MDGA2: variants seen among roughly 807,000 people sequenced by gnomAD.
MDGA2 encodes the protein MAM domain containing glycosylphosphatidylinositol anchor 2, also known as MAM domain-containing glycosylphosphatidylinositol anchor protein 2.
A neutral mutation model predicts 117.8 loss-of-function variants in MDGA2; 40 were observed. The observed-to-expected ratio is 0.34, with a 90% CI of 0.26 to 0.44. The LOEUF (loss-of-function observed/expected upper bound fraction) is 0.44, where lower values mean the gene tolerates loss of function less well. Among genes scored for constraint, MDGA2 ranks in the 20% least tolerant of loss-of-function variants. The pLI, the probability that MDGA2 is intolerant of heterozygous loss-of-function variation, is 1.00. For missense variants in MDGA2, 1,123 were observed against 1,250.6 expected, an observed-to-expected ratio of 0.90 and a Z score of 1.54; for synonymous variants, 452 against 439.0, an observed-to-expected ratio of 1.03 and a Z score of -0.37.
chr14:46,925,571 G>A (rs1884295683), intron 9 of MDGA2, among the ~76,000 whole-genome samples: 1 of 141,906 alleles, frequency 7.0e-6, no homozygotes, highest in South Asian at 2.3e-4. Context: ...GGCAGAGGTT[G>A]TAGTGAGCCG....
At chr14:47,279,407 A>C (rs1259535916) in intron 2 of MDGA2, among the ~76,000 whole-genome samples, 1 of 152,086 alleles carries the variant, frequency 6.6e-6, no homozygotes, top group Non-Finnish European at 1.5e-5. Context: ...TTTCTCTTGC[A>C]CTGTACTTTT....
At chr14:47,243,505 A>G (rs1478989653) in intron 2 of MDGA2, among the ~76,000 whole-genome samples, 1 of 151,378 alleles carries the variant, frequency 6.6e-6, no homozygotes, top group East Asian at 1.9e-4. Context: ...GAGCTGTAAC[A>G]CTCACAGCGA....
intron 6 of MDGA2, among the ~76,000 whole-genome samples, chr14:47,075,982 C>T (rs1382401165): frequency 1.3e-5 from 2 of 151,898 alleles, no homozygotes; most frequent in African/African-American, 4.8e-5. Context: ...AAACTATCAC[C>T]AATATAAAAA....
intron 2 of MDGA2, among the ~76,000 whole-genome samples, chr14:47,253,721 A>C (rs1326350966): frequency 1.3e-5 from 2 of 152,148 alleles, no homozygotes; most frequent in African/African-American, 4.8e-5. Flanking sequence ...CCCTCTTCTC[A>C]CAGCTCCACT....
At chr14:47,030,778 G>T in intron 8 of MDGA2, among the ~76,000 whole-genome samples, 1 of 151,992 alleles carries the variant, frequency 6.6e-6, no homozygotes, top group African/African-American at 2.4e-5. Context: ...GTTTTACCCA[G>T]AAAAACCTTT....
intron 3 of MDGA2, among the ~76,000 whole-genome samples, chr14:47,180,137 T>A (rs991783114): frequency 5.3e-5 from 8 of 152,136 alleles, no homozygotes; most frequent in Non-Finnish European, 8.8e-5. Context: ...CCAGGTATAT[T>A]GAGCCTAGTA....
intron 1 of MDGA2, among the ~76,000 whole-genome samples, chr14:47,471,395 C>T (rs758073567): frequency 2.2e-4 from 34 of 151,918 alleles, no homozygotes; most frequent in Non-Finnish European, 3.8e-4. Flanking sequence ...CTAGATTAAA[C>T]TAGTTACACA....
At position 47,005,891 on chromosome 14, in the gene MDGA2, C is replaced by G. The variant is rs184656914; in HGVS notation, c.1819+29120G>C. ...GTAGTATTTTTAAAACTATGCAAATCTATTGTTAAAATTTTTTTAAAAATT... is the reference window on the plus strand; with the variant it reads ...GTAGTATTTTTAAAACTATGCAAATGTATTGTTAAAATTTTTTTAAAAATT... On this transcript the variant is annotated intron_variant, in intron 8 of 16. Transcript: ENST00000399232. Among the ~76,000 whole-genome samples, 3 of 151,560 alleles carry G rather than the reference C, an allele frequency of 2.0e-5. No individual in the cohort carries two copies. The East Asian group carries it at 5.8e-4, about 29-fold the overall frequency.
chr14:47,104,927 C>G (rs963106613), intron 5 of MDGA2, among the ~76,000 whole-genome samples: 6 of 152,068 alleles, frequency 3.9e-5, no homozygotes, highest in African/African-American at 7.2e-5. Context: ...TCTCTCCCTT[C>G]TCTTAATTTC....
At chr14:46,890,529 C>T (rs544988916) in intron 10 of MDGA2, among the ~76,000 whole-genome samples, 17 of 152,104 alleles carry the variant, frequency 1.1e-4, no homozygotes, top group African/African-American at 2.4e-4. Context: ...TAAAACAAAA[C>T]GAACACAGCA....
Position 46,860,218 on chromosome 14 carries a change from T to C in MDGA2, c.2753-5064A>G, listed in dbSNP as rs545548868. Among the ~76,000 whole-genome samples, 17 of 152,180 alleles carry C rather than the reference T, an allele frequency of 1.1e-4. No homozygotes were observed. The South Asian group carries it at 2.7e-3, about 24-fold the overall frequency. On this transcript the variant is annotated intron_variant, in intron 14 of 16. Transcript: ENST00000399232. ...ACTTCTTCATCAGGCAAATGGTAAC[T>C]AAATGATGATAACTAGCATAAGTTT...
In MDGA2 at chr14:47,615,990, A is replaced by T. The variant is rs571696131; in HGVS notation, c.280+58527T>A. Among the ~76,000 whole-genome samples, 109 of 152,230 alleles carry T rather than the reference A, an allele frequency of 7.2e-4. 3 individuals are homozygous for T. The South Asian group carries it at 0.022, about 30-fold the overall frequency. On this transcript the variant is annotated intron_variant, in intron 1 of 16. Coordinates refer to ENST00000399232, the MANE Select transcript of MDGA2 (RefSeq NM_001113498.3). ...GGGGGAGGCCTTGTTCCTCCTTCCA[A>T]TCTCTCCAAGAACAAAAGTTACTCC... is the stretch of plus-strand genomic sequence containing the variant.
intron 3 of MDGA2, among the ~76,000 whole-genome samples, chr14:47,194,683 G>A (rs1457690392): frequency 6.6e-6 from 1 of 152,036 alleles, no homozygotes; most frequent in Non-Finnish European, 1.5e-5. Context: ...ATAAAGGAAT[G>A]TCACAGAGAT....
chr14:47,636,255 G>T (rs1010190464), intron 1 of MDGA2, among the ~76,000 whole-genome samples: 2 of 152,140 alleles, frequency 1.3e-5, no homozygotes, highest in Non-Finnish European at 1.5e-5. Context: ...AGCAAAAAAG[G>T]TAAAAGAATA....
intron 1 of MDGA2, among the ~76,000 whole-genome samples, chr14:47,572,942 T>C (rs978049989): frequency 6.6e-6 from 1 of 152,300 alleles, no homozygotes; most frequent in African/African-American, 2.4e-5. Context: ...TTTTTGGTTA[T>C]TTTAATATTT....
chr14:47,227,672 T>A (rs1334741945), intron 2 of MDGA2, among the ~76,000 whole-genome samples: 1 of 151,880 alleles, frequency 6.6e-6, no homozygotes, highest in Non-Finnish European at 1.5e-5. Context: ...AAAAAAATCA[T>A]TGTTGCTTGA....
chr14:47,617,527 A>G (rs1209608179), intron 1 of MDGA2, among the ~76,000 whole-genome samples: 5 of 152,074 alleles, frequency 3.3e-5, no homozygotes, highest in South Asian at 4.1e-4. Flanking sequence ...TAAATGAAAA[A>G]CTGGTGAGCT....
At chr14:47,441,288 C>A (rs932017168) in intron 1 of MDGA2, among the ~76,000 whole-genome samples, 4 of 152,120 alleles carry the variant, frequency 2.6e-5, no homozygotes, top group Admixed American at 1.3e-4. Context: ...AGAATGGGCT[C>A]ACAATGCAGG....
intron 1 of MDGA2, among the ~76,000 whole-genome samples, chr14:47,510,664 A>T (rs1208266557): frequency 6.6e-6 from 1 of 152,184 alleles, no homozygotes; most frequent in East Asian, 1.9e-4. Flanking sequence ...TAGGTGATAT[A>T]AGGATAAATG....
Sources: gnomAD v4.1 joint callset for allele counts (sites outside exome capture counted in the v4.1 genomes callset) on GRCh38, gnomAD v4.1.1 for gene constraint, MANE v1.5 for transcripts, NCBI Gene and HGNC (gene_info 2026-07-23, HGNC 2026-07-21) for gene names.